TAFA4: variants seen among roughly 807,000 people sequenced by gnomAD.
TAFA4 encodes the protein chemokine-like protein TAFA-4.
In TAFA4, 20 loss-of-function variants were observed where a neutral mutation model predicts 21.1. That is an observed-to-expected ratio of 0.95 (90% CI 0.67 to 1.38). The LOEUF is 1.38. Ranked by LOEUF, TAFA4 falls within the 40% of genes most tolerant of loss-of-function variation. The pLI is 0.00. For synonymous variants in TAFA4, 71 were observed against 67.4 expected (o/e 1.05, Z -0.26); for missense variants, 211 against 180.9 (o/e 1.17, Z -0.95).
intron 3 of TAFA4, among the ~76,000 whole-genome samples, chr3:68,781,522 T>G (rs1252121729): frequency 6.6e-6 from 1 of 152,094 alleles, no homozygotes; most frequent in Non-Finnish European, 1.5e-5. Flanking sequence ...GTTTGATAAC[T>G]TATTTGAAAA....
chr3:68,802,390 C>T (rs1365712371), intron 3 of TAFA4, among the ~76,000 whole-genome samples: 13 of 151,172 alleles, frequency 8.6e-5, no homozygotes, highest in Admixed American at 8.6e-4. Context: ...ATCATAGGCC[C>T]AGAAATAAAA....
chr3:68,876,003 T>C (rs1226547109), intron 3 of TAFA4, among the ~76,000 whole-genome samples: 1 of 151,922 alleles, frequency 6.6e-6, no homozygotes, highest in Admixed American at 6.6e-5. Context: ...AACAATGTGC[T>C]CTATGACTGA....
At chr3:68,836,073 G>C (rs1704515580) in intron 3 of TAFA4, among the ~76,000 whole-genome samples, 1 of 152,204 alleles carries the variant, frequency 6.6e-6, no homozygotes, top group South Asian at 2.1e-4. Flanking sequence ...TCAATCTCAT[G>C]AAGTATTCTA....
chr3:68,782,218 C>T (rs1338461581), intron 3 of TAFA4, among the ~76,000 whole-genome samples: 1 of 152,012 alleles, frequency 6.6e-6, no homozygotes, highest in Non-Finnish European at 1.5e-5. Flanking sequence ...AAAGAAGATA[C>T]CAAATGGTCG....
intron 3 of TAFA4, among the ~76,000 whole-genome samples, chr3:68,821,225 C>G (rs1335476728): frequency 6.6e-6 from 1 of 151,748 alleles, no homozygotes; most frequent in East Asian, 1.9e-4. Context: ...TCAGTGAGGA[C>G]TCACAGCTAT....
Position 68,829,583 on chromosome 3 carries a change from G to A in TAFA4, c.130+51147C>T, listed in dbSNP as rs184820752. ...AGTTTCTTGATGTGCTGCTGGATTC[G>A]GTTTGCCAGTATTTTATGGCGGATT... On this transcript the variant is annotated intron_variant, in intron 3 of 5. Transcript: ENST00000295569. 1.0e-3 allele frequency among the ~76,000 whole-genome samples: 158 copies of A among 152,218 alleles called. 1 individual carries two copies. The highest frequency in any genetic ancestry group is 3.5e-3 in the African/African-American group (144 of 41,536).
Position 68,740,598 on chromosome 3 carries a change from T to TATCA in TAFA4, c.287-1403_287-1400dup, listed in dbSNP as rs1377303375. 2.0e-5 allele frequency among the ~76,000 whole-genome samples: 3 copies of TATCA among 152,208 alleles called. No individual in the cohort carries two copies. In the East Asian group the frequency reaches 5.8e-4, roughly 29 times the overall value. Reference sequence around the variant, plus strand: ...TTTTATATTTTGGATCTTAACTCCTTATCAGATATATGGCTTGCAAATATT... The same window carrying TATCA: ...TTTTATATTTTGGATCTTAACTCCTTATCAATCAGATATATGGCTTGCAAATATT... On this transcript the variant is annotated intron_variant, in intron 4 of 5. Transcript: ENST00000295569.
chr3:68,747,953 A>C (rs529601395), intron 4 of TAFA4, among the ~76,000 whole-genome samples: 1 of 152,252 alleles, frequency 6.6e-6, no homozygotes, highest in Admixed American at 6.5e-5. Context: ...ACTCACTCTC[A>C]TATGCTTCGT....
intron 1 of TAFA4, among the ~76,000 whole-genome samples, chr3:68,885,785 G>T (rs953825553): frequency 4.6e-5 from 7 of 152,118 alleles, no homozygotes; most frequent in Non-Finnish European, 8.8e-5. Flanking sequence ...CAATCTATGA[G>T]GTTGCTTTTT....
chr3:68,735,427 A>G (rs535482388), intron 5 of TAFA4, among the ~76,000 whole-genome samples: 1 of 152,126 alleles, frequency 6.6e-6, no homozygotes, highest in Non-Finnish European at 1.5e-5. Context: ...GCTCAGTTAG[A>G]CTAATGGTTC....
intron 3 of TAFA4, among the ~76,000 whole-genome samples, chr3:68,771,354 G>A (rs903192352): frequency 7.9e-5 from 12 of 152,184 alleles, no homozygotes; most frequent in Non-Finnish European, 1.0e-4. Context: ...CTGGGGCTTC[G>A]GGAATCGCAG....
In TAFA4 at chr3:68,799,413, C is replaced by T. The variant is rs374588194; in HGVS notation, c.131-46395G>A. On this transcript the variant is annotated intron_variant, in intron 3 of 5. Coordinates refer to ENST00000295569, the MANE Select transcript of TAFA4 (RefSeq NM_182522.5). ...CTGATGAGGCCCCTGCCCTCATGAC[C>T]GAATCACCTCCCAAAGACCCCACCT... Among the ~76,000 whole-genome samples the T allele has an allele frequency of 9.6e-4, 146 of 152,118 alleles. 1 individual carries two copies. Among genetic ancestry groups the T allele is most frequent in the African/African-American group, 2.9e-3 (122 of 41,514 alleles).
chr3:68,799,392 T>C (rs1208760948), intron 3 of TAFA4, among the ~76,000 whole-genome samples: 3 of 152,104 alleles, frequency 2.0e-5, no homozygotes, highest in Non-Finnish European at 4.4e-5. Flanking sequence ...ATCCCACTGA[T>C]GAGGCCCCTG....
intron 1 of TAFA4, among the ~76,000 whole-genome samples, chr3:68,889,884 T>C (rs1229334927): frequency 3.9e-5 from 6 of 151,964 alleles, no homozygotes; most frequent in African/African-American, 1.2e-4. Context: ...CAGGAAAAAA[T>C]AGTCATCCTC....
chr3:68,906,496 G>A (rs1399299498), intron 1 of TAFA4, among the ~76,000 whole-genome samples: 2 of 152,182 alleles, frequency 1.3e-5, no homozygotes, highest in East Asian at 3.8e-4. Context: ...CTGAGACAGG[G>A]ACTCCCTAAG....
At chr3:68,748,223 G>A (rs1008654081) in intron 4 of TAFA4, among the ~76,000 whole-genome samples, 17 of 152,176 alleles carry the variant, frequency 1.1e-4, no homozygotes, top group Non-Finnish European at 1.9e-4. Context: ...ATGAACCAAC[G>A]TATGCAATAT....
intron 3 of TAFA4, among the ~76,000 whole-genome samples, chr3:68,759,528 G>T (rs1575597979): frequency 6.6e-6 from 1 of 152,116 alleles, no homozygotes; most frequent in African/African-American, 2.4e-5. Context: ...CAATAAGCCT[G>T]GTACCAGAGA....
intron 3 of TAFA4, among the ~76,000 whole-genome samples, chr3:68,824,423 C>G (rs1297160350): frequency 6.6e-6 from 1 of 151,548 alleles, no homozygotes; most frequent in Non-Finnish European, 1.5e-5. Context: ...AAAAGTACAT[C>G]ACTCCGACCT....
At chr3:68,834,582 T>G (rs1476828163) in intron 3 of TAFA4, among the ~76,000 whole-genome samples, 1 of 152,148 alleles carries the variant, frequency 6.6e-6, no homozygotes, top group Non-Finnish European at 1.5e-5. Context: ...CTAATATGCA[T>G]TTCAACCCAA....
Sources: gnomAD v4.1 joint callset for allele counts (sites outside exome capture counted in the v4.1 genomes callset) on GRCh38, gnomAD v4.1.1 for gene constraint, MANE v1.5 for transcripts, NCBI Gene and HGNC (gene_info 2026-07-23, HGNC 2026-07-21) for gene names.